CIAO2B: variants seen among roughly 807,000 people sequenced by gnomAD.
CIAO2B encodes the protein MSS19-interacting protein of 18 kDa.
In CIAO2B, 20 loss-of-function variants were observed where a neutral mutation model predicts 16.4. The ratio of observed to expected loss-of-function variants is 1.22; its 90% CI spans 0.86 to 1.77. CIAO2B has a LOEUF of 1.77. Ranked by LOEUF, CIAO2B falls within the 40% of genes most tolerant of loss-of-function variation. CIAO2B has a pLI of 0.00. For missense variants in CIAO2B, 215 were observed against 222.4 expected (o/e 0.97, Z 0.21); for synonymous variants, 106 against 90.4 (o/e 1.17, Z -0.98).
intron 3 of CIAO2B, among the ~76,000 whole-genome samples, chr16:66,933,146 G>A (rs547469836): frequency 2.6e-5 from 4 of 152,050 alleles, no homozygotes; most frequent in African/African-American, 7.2e-5. Flanking sequence ...ACACCACCAC[G>A]CCCCACTAAT....
Position 66,934,217 on chromosome 16 carries a change from G to T in CIAO2B, c.142+6C>A. On this transcript the variant is annotated splice_donor_region_variant and intron_variant, in intron 1 of 4. Coordinates refer to ENST00000422424, the MANE Select transcript of CIAO2B (RefSeq NM_016062.4). This position sits in a 1 kb window ranked among gnomAD's most constrained non-coding sequence, Gnocchi z 4.1. ...GAACCCGCCCGCGCCCAGCAGCGGC[G>T]GATATCGAAGATCTCGCGTGCGTCG... 6.2e-7 allele frequency: 1 copy of T among 1,608,558 alleles called. No homozygotes were observed. The highest frequency in any genetic ancestry group is 8.5e-7 in the Non-Finnish European group (1 of 1,177,962).
intron 2 of CIAO2B, 69 bp from the exon 3 acceptor site, chr16:66,933,808 T>C: frequency 6.5e-7 from 1 of 1,542,006 alleles, no homozygotes; most frequent in Non-Finnish European, 8.8e-7. Context: ...TAGTTTGTTG[T>C]TTTGGGCAAA....
intron 3 of CIAO2B, 111 bp downstream of exon 3, chr16:66,933,503 C>T: frequency 1.4e-6 from 2 of 1,389,520 alleles, no homozygotes; most frequent in Non-Finnish European, 1.9e-6. Flanking sequence ...AATGGGGATC[C>T]TTCCAGGCCC....
In CIAO2B at chr16:66,932,656, C is replaced by T; in HGVS notation, c.394+124G>A. 6 of 1,182,132 alleles carry T rather than the reference C, an allele frequency of 5.1e-6. No homozygotes were observed. The Middle Eastern group carries it at 1.1e-3, about 224-fold the overall frequency. 73.2% of individuals were successfully genotyped at this position (1,182,132 alleles called of 1,614,324 possible). A position where few individuals can be genotyped will look rare whatever the true frequency, so the allele number is the denominator to read the frequency against. On this transcript the variant is annotated intron_variant, in intron 4 of 4. Transcript: ENST00000422424. ...GGCTATAACCCATACTGAGGAGTCT[C>T]TGGCAATTTCACTCACACAGTTACC...
chr16:66,932,284 T>A lies in CIAO2B; in HGVS notation c.411A>T (p.Ala137=). The change falls in exon 5 of 5, where the codon GCA becomes GCT. Residue 137 remains alanine, a synonymous_variant. Transcript: ENST00000422424. ...GGGCAGCTGCCACCCGCTCCTTATC[T>A]GCAAGTTGCTTGTTCACTAGGTGGG... The part of the protein sequence containing the change: ...ASEHAVNKQL[A]DKERVAAALE... The A allele has an allele frequency of 6.2e-7, 1 of 1,613,798 alleles. No homozygotes were observed. The highest frequency in any genetic ancestry group is 8.5e-7 in the Non-Finnish European group (1 of 1,179,796).
chr16:66,934,012 T>C lies in CIAO2B; in HGVS notation c.197A>G (p.Asn66Ser). The change falls in exon 2 of 5, where the codon AAC becomes AGC. Residue 66 changes from asparagine (N) to serine (S), a missense_variant. Physicochemically the swap from Asn to Ser is conservative, Grantham distance 46. Transcript: ENST00000422424. This position sits in a 1 kb window ranked among gnomAD's most constrained non-coding sequence, Gnocchi z 4.1. ...CTGAACCCGCACCTGCTCTACTACG[T>C]TCAACTCCTCTAGCGTCAGTGGATG... ...PEHPLTLEEL[N>S]VVEQVRVQVS... 6.2e-7 allele frequency: 1 copy of C among 1,613,738 alleles called. No homozygotes were observed. Among genetic ancestry groups the C allele is most frequent in the South Asian group, 1.1e-5 (1 of 91,052 alleles).
Position 66,933,740 on chromosome 16 carries a change from C to A in CIAO2B, c.223-1G>T. ...CCACTGTACTCTCGGGGTCGCTAAC[C>A]TGGTTGTGGAGGAGAGATGTCAAGA... On this transcript the variant is annotated splice_acceptor_variant, in intron 2 of 4. Coordinates refer to ENST00000422424, the MANE Select transcript of CIAO2B (RefSeq NM_016062.4). LOFTEE classifies it high-confidence loss of function. 1 of 1,538,454 alleles carries A rather than the reference C, an allele frequency of 6.5e-7. No homozygotes were observed. The highest frequency in any genetic ancestry group is 8.8e-7 in the Non-Finnish European group (1 of 1,139,114).
In CIAO2B at chr16:66,934,251, G is replaced by A. The variant is rs746699790; in HGVS notation, c.114C>T (p.Pro38=). The change falls in exon 1 of 5, where the codon CCC becomes CCT. Residue 38 remains proline (P), a synonymous_variant. Transcript: ENST00000422424. The surrounding 1 kb of genome is among the most constrained non-coding windows in gnomAD (Gnocchi z 4.1). ...VTAGEEDEQV[P]DSIDAREIFD... ...AGATCTCGCGTGCGTCGATGCTGTC[G>A]GGAACCTGCTCGTCCTCCTCGCCTG... 19 of 1,609,870 alleles carry A rather than the reference G, an allele frequency of 1.2e-5. No individual in the cohort carries two copies. The highest frequency in any genetic ancestry group is 1.6e-5 in the Non-Finnish European group (19 of 1,179,616).
At position 66,934,396 on chromosome 16, in the gene CIAO2B, G is replaced by A. The variant is rs1163045533; in HGVS notation, c.-32C>T. Reference sequence around the variant, plus strand: ...ACCACCACCGCTGATCCTAGCAGGCGTGCGCTTCCGCTCCAACCCGCGCAC... The same window carrying A: ...ACCACCACCGCTGATCCTAGCAGGCATGCGCTTCCGCTCCAACCCGCGCAC... On this transcript the variant is annotated 5_prime_UTR_variant, in exon 1 of 5. The change creates a new upstream start codon in the 5' untranslated region. Coordinates refer to ENST00000422424, the MANE Select transcript of CIAO2B (RefSeq NM_016062.4). This position sits in a 1 kb window ranked among gnomAD's most constrained non-coding sequence, Gnocchi z 4.1. 15 of 1,486,600 alleles carry A rather than the reference G, an allele frequency of 1.0e-5. No individual in the cohort carries two copies. The highest frequency in any genetic ancestry group is 1.4e-5 in the African/African-American group (1 of 71,462). The allele number at this position is 1,486,600 out of a possible 1,614,324, so 92.1% of individuals were successfully genotyped here.
rs1296687889 is a variant in CIAO2B, at chr16:66,932,137, G to GT, written c.*65dup. On this transcript the variant is annotated 3_prime_UTR_variant, in exon 5 of 5. Coordinates refer to ENST00000422424, the MANE Select transcript of CIAO2B (RefSeq NM_016062.4). ...TTGTGAGTGATTCAAGAAAACAACG[G>GT]TAACAGCCCTGGCAGGAGCTGGGAC... 3 of 1,251,466 alleles carry GT rather than the reference G, an allele frequency of 2.4e-6. No homozygotes were observed. Among genetic ancestry groups the GT allele is most frequent in the Non-Finnish European group, 3.4e-6 (3 of 890,906 alleles). 77.5% of individuals were successfully genotyped at this position (1,251,466 alleles called of 1,614,324 possible).
chr16:66,933,981 A>G lies in CIAO2B; in HGVS notation c.222+6T>C. The stretch of plus-strand genomic sequence containing the variant: ...GAACAACTCGCTCCCCTCGGAAGTG[A>G]CTCACCTGAACCCGCACCTGCTCTA... On this transcript the variant is annotated splice_donor_region_variant and intron_variant, in intron 2 of 4. Coordinates refer to ENST00000422424, the MANE Select transcript of CIAO2B (RefSeq NM_016062.4). 1 of 1,613,294 alleles carries G rather than the reference A, an allele frequency of 6.2e-7. No homozygotes were observed.
intron 3 of CIAO2B, chr16:66,933,383 C>T (rs1265431140): frequency 8.6e-6 from 5 of 582,952 alleles, no homozygotes; most frequent in Non-Finnish European, 1.5e-5. Context: ...ATCTGCCGCT[C>T]CCTACTGCCC....
Position 66,934,305 on chromosome 16 carries a change from G to T in CIAO2B, c.60C>A (p.Tyr20Ter). The change falls in exon 1 of 5, where the codon TAC becomes TAA. Residue 20 changes from tyrosine (Y) to a stop codon, truncating the protein, a stop_gained. Transcript: ENST00000422424. LOFTEE classifies it high-confidence loss of function. The surrounding 1 kb of genome is among the most constrained non-coding windows in gnomAD (Gnocchi z 4.1). ...GLLENANPLI[Y>*]QRSGERPVTA... ...TCACAGGCCGCTCCCCAGAGCGCTG[G>T]TAGATGAGGGGGTTGGCATTCTCCA... 1 of 1,606,186 alleles carries T rather than the reference G, an allele frequency of 6.2e-7. No individual in the cohort carries two copies. Among genetic ancestry groups the T allele is most frequent in the Non-Finnish European group, 8.5e-7 (1 of 1,178,990 alleles).
Position 66,932,548 on chromosome 16 carries a change from G to T in CIAO2B, c.394+232C>A, listed in dbSNP as rs768571985. On this transcript the variant is annotated intron_variant, in intron 4 of 4. Coordinates refer to ENST00000422424, the MANE Select transcript of CIAO2B (RefSeq NM_016062.4). Reference sequence around the variant, plus strand: ...CGCTGCTGAAGCCTGACACACTCTGGTCCTGTATATTTGGTGAGAGGGGAT... The same window carrying T: ...CGCTGCTGAAGCCTGACACACTCTGTTCCTGTATATTTGGTGAGAGGGGAT... 15 of 722,688 alleles carry T rather than the reference G, an allele frequency of 2.1e-5. No homozygotes were observed. The African/African-American group carries it at 2.1e-4, about 10-fold the overall frequency. 44.8% of individuals were successfully genotyped at this position (722,688 alleles called of 1,614,324 possible).
intron 4 of CIAO2B, 197 bp downstream of exon 4, chr16:66,932,583 G>T (rs556037228): frequency 1.2e-5 from 9 of 746,438 alleles, no homozygotes; most frequent in East Asian, 5.3e-5. Flanking sequence ...TTTGGGAGAA[G>T]AGGACATGGT....
intron 3 of CIAO2B, among the ~76,000 whole-genome samples, chr16:66,933,185 C>T (rs28382809): frequency 6.6e-6 from 1 of 152,242 alleles, no homozygotes; most frequent in South Asian, 2.1e-4. Context: ...GATGAGATTT[C>T]ACCATGTTGG....
Position 66,934,038 on chromosome 16 carries a change from C to G in CIAO2B, c.171G>C (p.Glu57Asp). 6.2e-7 allele frequency: 1 copy of G among 1,613,760 alleles called. No homozygotes were observed. Among genetic ancestry groups the G allele is most frequent in the Non-Finnish European group, 8.5e-7 (1 of 1,179,878 alleles). The change falls in exon 2 of 5, where the codon GAG becomes GAC. Residue 57 changes from glutamate to aspartate, a missense_variant. By Grantham distance (45) the Glu-to-Asp change is conservative. Coordinates refer to ENST00000422424, the MANE Select transcript of CIAO2B (RefSeq NM_016062.4). The surrounding 1 kb of genome is among the most constrained non-coding windows in gnomAD (Gnocchi z 4.1). ...FDLIRSINDP[E>D]HPLTLEELNV... is the part of the protein sequence containing the mutation. ...TCAACTCCTCTAGCGTCAGTGGATGCTCCGGGTCATTGATGGAGCGAATCA... is the reference window on the plus strand; with the variant it reads ...TCAACTCCTCTAGCGTCAGTGGATGGTCCGGGTCATTGATGGAGCGAATCA...
In CIAO2B at chr16:66,934,006, A is replaced by T; in HGVS notation, c.203T>A (p.Val68Glu). Residue 68 changes from valine to glutamate, a missense_variant, in exon 2 of 5, where the codon GTA becomes GAA. Transcript: ENST00000422424. This position sits in a 1 kb window ranked among gnomAD's most constrained non-coding sequence, Gnocchi z 4.1. ...HPLTLEELNV[V>E]EQVRVQVSDP... Reference sequence around the variant, plus strand: ...ACTCACCTGAACCCGCACCTGCTCTACTACGTTCAACTCCTCTAGCGTCAG... The same window carrying T: ...ACTCACCTGAACCCGCACCTGCTCTTCTACGTTCAACTCCTCTAGCGTCAG... 6.2e-7 allele frequency: 1 copy of T among 1,613,702 alleles called. No homozygotes were observed. Among genetic ancestry groups the T allele is most frequent in the Non-Finnish European group, 8.5e-7 (1 of 1,179,858 alleles).
intron 3 of CIAO2B, 175 bp downstream of exon 3, chr16:66,933,439 T>A (rs190036897): frequency 1.0e-5 from 9 of 874,114 alleles, no homozygotes; most frequent in Non-Finnish European, 1.5e-5. Flanking sequence ...CCAGCTCAGA[T>A]CTTTATTCTT....
Sources: gnomAD v4.1 joint callset for allele counts (sites outside exome capture counted in the v4.1 genomes callset) on GRCh38, gnomAD v4.1.1 for gene constraint, Gnocchi (gnomAD v3.1) non-coding constraint, MANE v1.5 for transcripts, NCBI Gene and HGNC (gene_info 2026-07-23, HGNC 2026-07-21) for gene names.